RGS3: variants seen among roughly 807,000 people sequenced by gnomAD.
RGS3 encodes regulator of G-protein signalling 3.
Under a neutral mutation model 132.6 loss-of-function variants are expected in RGS3, and 80 were observed. The ratio of observed to expected loss-of-function variants is 0.60; its 90% CI spans 0.50 to 0.73. The LOEUF (loss-of-function observed/expected upper bound fraction) is 0.73. RGS3 is among the 30% of genes least tolerant of loss of function. RGS3 has a pLI of 0.00. For synonymous variants in RGS3, 598 were observed against 620.6 expected (o/e 0.96, Z 0.54); for missense variants, 1,382 against 1,530.8 (o/e 0.90, Z 1.62).
rs924355534 is a variant in RGS3 at position 113,564,867 on chromosome 9, T to C, written c.2038-18583T>C. 4 of 946,022 alleles carry C rather than the reference T, an allele frequency of 4.2e-6. No homozygotes were observed. The Admixed American group carries it at 2.4e-4, about 57-fold the overall frequency. The allele number at this position is 946,022 out of a possible 1,614,324, so 58.6% of individuals were successfully genotyped here. A position where few individuals can be genotyped will look rare whatever the true frequency, so the allele number is the denominator to read the frequency against. The stretch of plus-strand genomic sequence containing the variant: ...CGTGTGCTGGCTGCAGGAGCCTGGG[T>C]TCAGTTGCAGCCTCCCACTGGGACA... On this transcript the variant is annotated intron_variant, in intron 19 of 24. Transcript: ENST00000350696.
chr9:113,511,760 C>T (rs1458518715), intron 14 of RGS3, among the ~76,000 whole-genome samples: 1 of 152,084 alleles, frequency 6.6e-6, no homozygotes, highest in Non-Finnish European at 1.5e-5. Context: ...TTGGCATTTA[C>T]AGTTGGTACC....
intron 1 of RGS3, among the ~76,000 whole-genome samples, chr9:113,454,106 A>G (rs1275360399): frequency 6.6e-6 from 1 of 151,448 alleles, no homozygotes; most frequent in Non-Finnish European, 1.5e-5. Flanking sequence ...GAGCCACCAT[A>G]CCTGGCGTAC....
At chr9:113,576,959 A>G (rs1834556356) in intron 19 of RGS3, among the ~76,000 whole-genome samples, 1 of 152,196 alleles carries the variant, frequency 6.6e-6, no homozygotes, top group East Asian at 1.9e-4. Flanking sequence ...ATTCTTTTTA[A>G]AAAAGATTAA....
chr9:113,565,154 C>T lies in RGS3; in HGVS notation c.2038-18296C>T. 1 of 1,198,938 alleles carries T rather than the reference C, an allele frequency of 8.3e-7. No individual in the cohort carries two copies. The highest frequency in any genetic ancestry group is 1.5e-5 in the South Asian group (1 of 65,570). 74.3% of individuals were successfully genotyped at this position (1,198,938 alleles called of 1,614,324 possible). ...CTGGGGATGAGCCACAGGGGACCCA[C>T]AGCCTATGCGTGTGAGCATGTAACC... On this transcript the variant is annotated intron_variant, in intron 19 of 24. Transcript: ENST00000350696. The surrounding 1 kb of genome is among the most constrained non-coding windows in gnomAD (Gnocchi z 5.7).
rs752019247 is a variant in RGS3, at chr9:113,536,804, G to A, written c.1923G>A (p.Glu641=). 3 of 1,614,038 alleles carry A rather than the reference G, an allele frequency of 1.9e-6. No homozygotes were observed. The South Asian group carries it at 3.3e-5, about 18-fold the overall frequency. The stretch of plus-strand genomic sequence containing the variant: ...ATTTTCCCTGACGTCAGAAGGCAGA[G>A]TGCTTATTCACTTTGGAAGCGCACT... Residue 641 remains glutamate (E), a synonymous_variant, in exon 19 of 25, where the codon GAG becomes GAA. Transcript: ENST00000350696.
intron 19 of RGS3, among the ~76,000 whole-genome samples, chr9:113,577,788 C>G (rs1178518435): frequency 6.6e-6 from 1 of 152,206 alleles, no homozygotes; most frequent in African/African-American, 2.4e-5. Context: ...CCAACACTCC[C>G]CTGGACTCTC....
chr9:113,561,776 G>A (rs1833801251), intron 19 of RGS3, among the ~76,000 whole-genome samples: 1 of 152,158 alleles, frequency 6.6e-6, no homozygotes, highest in African/African-American at 2.4e-5. Flanking sequence ...AAGGAAGACA[G>A]CGGAAATCTC....
At chr9:113,505,453 G>T (rs762312867) in exon 11 of RGS3, 1 of 1,613,986 alleles carries the variant, frequency 6.2e-7, no homozygotes, top group Non-Finnish European at 8.5e-7. Flanking sequence ...TCACCATCCC[G>T]AGGGGAAAGG....
At chr9:113,487,351 T>C (rs1048475173) in intron 7 of RGS3, among the ~76,000 whole-genome samples, 1 of 151,450 alleles carries the variant, frequency 6.6e-6, no homozygotes, top group African/African-American at 2.4e-5. Flanking sequence ...GACCTCATGA[T>C]CCACCCGCCT....
chr9:113,536,683 C>A, intron 18 of RGS3, 113 bp from the exon 17 acceptor site: 1 of 1,517,228 alleles, frequency 6.6e-7, no homozygotes, highest in Non-Finnish European at 8.9e-7. Flanking sequence ...GCGGACACTC[C>A]CCTCCTGGCT....
In RGS3 at chr9:113,591,354, G is replaced by A. The variant is rs1207304409; in HGVS notation, c.3037G>A (p.Gly1013Arg). 1 of 1,613,730 alleles carries A rather than the reference G, an allele frequency of 6.2e-7. No homozygotes were observed. The highest frequency in any genetic ancestry group is 1.7e-5 in the Admixed American group (1 of 60,028). The change falls in exon 21 of 25, where the codon GGG becomes AGG. Residue 1013 changes from glycine (G) to arginine (R), a missense_variant. Transcript: ENST00000350696. This position sits in a 1 kb window ranked among gnomAD's most constrained non-coding sequence, Gnocchi z 4.4. ...GCAGATGAGCGGGGCTGACACCGTTGGGGATGATGACGAAGCCTCCCGGAA... is the reference window on the plus strand; with the variant it reads ...GCAGATGAGCGGGGCTGACACCGTTAGGGATGATGACGAAGCCTCCCGGAA...
At chr9:113,523,162 G>T in intron 17 of RGS3, 121 bp downstream of exon 15, 1 of 692,808 alleles carries the variant, frequency 1.4e-6, no homozygotes, top group Non-Finnish European at 2.6e-6. Context: ...GTGCTGCTGG[G>T]CTCTGTCCAT....
At chr9:113,570,202 G>A (rs569278589) in intron 19 of RGS3, 1 of 152,302 alleles carries the variant, frequency 6.6e-6, no homozygotes, top group African/African-American at 2.4e-5. Flanking sequence ...TCATGTGAAT[G>A]GATTCTGTGT....
intron 10 of RGS3, among the ~76,000 whole-genome samples, chr9:113,500,108 G>A (rs1445915041): frequency 2.0e-5 from 3 of 152,184 alleles, no homozygotes; most frequent in Non-Finnish European, 4.4e-5. Context: ...CTGCGTGCTG[G>A]ATTCTGCACA....
chr9:113,510,104 G>A (rs768965318), intron 14 of RGS3, among the ~76,000 whole-genome samples: 6 of 143,566 alleles, frequency 4.2e-5, no homozygotes, highest in Admixed American at 3.6e-4. Flanking sequence ...TCCTTCCCCC[G>A]AAGTCTGCAA....
chr9:113,514,418 T>C (rs1196588531), intron 14 of RGS3, 40 bp from the exon 13 acceptor site: 1 of 1,572,594 alleles, frequency 6.4e-7, no homozygotes, highest in African/African-American at 1.4e-5. Flanking sequence ...TTTGCAGGAG[T>C]GACGGAAATG....
At chr9:113,472,884 C>T (rs1180595645) in intron 3 of RGS3, among the ~76,000 whole-genome samples, 2 of 151,874 alleles carry the variant, frequency 1.3e-5, no homozygotes, top group Non-Finnish European at 2.9e-5. Context: ...ACAAAAAATA[C>T]AAAAAATTGG....
intron 18 of RGS3, among the ~76,000 whole-genome samples, chr9:113,531,737 T>C (rs926428327): frequency 6.6e-6 from 1 of 152,226 alleles, no homozygotes; most frequent in Admixed American, 6.5e-5. Flanking sequence ...AGTGAATCTC[T>C]CCTCTCCCGA....
At chr9:113,546,186 TCA>T (rs1160687685) in intron 19 of RGS3, among the ~76,000 whole-genome samples, 3 of 152,152 alleles carry the variant, frequency 2.0e-5, no homozygotes, top group African/African-American at 2.4e-5. Flanking sequence ...CTGTGCACAT[TCA>T]CAGTTAGGGT....
Sources: allele counts gnomAD v4.1 joint callset (sites outside exome capture counted in the v4.1 genomes callset), GRCh38; gene constraint gnomAD v4.1.1; non-coding constraint Gnocchi (gnomAD v3.1); transcripts MANE v1.5; gene names NCBI Gene and HGNC (gene_info 2026-07-23, HGNC 2026-07-21).